ZNF280D: variants seen among roughly 807,000 people sequenced by gnomAD.
ZNF280D encodes the protein suppressor of hairy wing homolog 4.
In ZNF280D, 39 loss-of-function variants were observed where a neutral mutation model predicts 94.7. The ratio of observed to expected loss-of-function variants is 0.41; its 90% CI spans 0.32 to 0.54. The LOEUF (loss-of-function observed/expected upper bound fraction) is 0.54. Ranked by LOEUF, ZNF280D falls within the 20% of genes least tolerant of loss-of-function variation. ZNF280D has a pLI of 0.22. For synonymous variants in ZNF280D, 398 were observed against 377.6 expected, an observed-to-expected ratio of 1.05 and a Z score of -0.63; for missense variants, 1,090 against 1,149.3, an observed-to-expected ratio of 0.95 and a Z score of 0.75.
chr15:56,697,809 C>T (rs951734089), intron 6 of ZNF280D: 1 of 152,158 alleles, frequency 6.6e-6, no homozygotes, highest in East Asian at 1.9e-4. Flanking sequence ...TACAAATTAA[C>T]ATAAATAACA....
chr15:56,691,126 T>C (rs1208160239), intron 7 of ZNF280D, among the ~76,000 whole-genome samples: 1 of 152,160 alleles, frequency 6.6e-6, no homozygotes, highest in African/African-American at 2.4e-5. Flanking sequence ...ACAGATATTA[T>C]CATTACTAAC....
intron 17 of ZNF280D, chr15:56,654,712 AT>A (rs1259633603): frequency 3.3e-6 from 2 of 609,518 alleles, no homozygotes; most frequent in Non-Finnish European, 6.1e-6. Flanking sequence ...TACAGAAAGT[AT>A]TTATTTTACA....
At chr15:56,689,011 T>C (rs757679381) in intron 9 of ZNF280D, 30 bp downstream of exon 9, 46 of 1,502,640 alleles carry the variant, frequency 3.1e-5, no homozygotes, top group Non-Finnish European at 3.9e-5. Context: ...GTGCAAACTT[T>C]TTACAAATTA....
intron 1 of ZNF280D, among the ~76,000 whole-genome samples, chr15:56,726,775 T>C (rs74015900): frequency 0.012 from 1,825 of 152,322 alleles, 36 homozygotes; most frequent in African/African-American, 0.042. Context: ...CAAAGACATA[T>C]GGAAAACTGA....
intron 19 of ZNF280D, among the ~76,000 whole-genome samples, chr15:56,644,589 C>T (rs957320927): frequency 3.3e-5 from 5 of 152,152 alleles, no homozygotes; most frequent in Non-Finnish European, 7.4e-5. Flanking sequence ...TTTTCTCCCT[C>T]AACTTATCGT....
At chr15:56,683,385 G>T (rs1156875530) in intron 9 of ZNF280D, among the ~76,000 whole-genome samples, 1 of 152,166 alleles carries the variant, frequency 6.6e-6, no homozygotes, top group African/African-American at 2.4e-5. Flanking sequence ...GATAGAGCAA[G>T]CTACGGAGGG....
intron 19 of ZNF280D, chr15:56,645,397 C>G (rs1252315886): frequency 6.6e-5 from 10 of 152,176 alleles, no homozygotes; most frequent in African/African-American, 2.2e-4. Context: ...CATTAGTGAT[C>G]AAGATTGCAA....
intron 20 of ZNF280D, chr15:56,635,745 A>C (rs1316963198): frequency 6.6e-6 from 1 of 152,220 alleles, no homozygotes; most frequent in Non-Finnish European, 1.5e-5. Context: ...ACACAAAGTA[A>C]GAAACATTCT....
At chr15:56,652,350 A>C (rs1414733903) in intron 19 of ZNF280D, 1 of 154,348 alleles carries the variant, frequency 6.5e-6, no homozygotes, top group African/African-American at 2.4e-5. Context: ...TGCAAGAAAA[A>C]AATGCAAGGT....
intron 3 of ZNF280D, among the ~76,000 whole-genome samples, chr15:56,706,319 A>C (rs1176534919): frequency 6.6e-6 from 1 of 150,860 alleles, no homozygotes; most frequent in African/African-American, 2.4e-5. Context: ...TACTAAAAAT[A>C]GAAAAAAAAT....
At chr15:56,707,410 T>C (rs1464604546) in intron 1 of ZNF280D, 104 bp from the exon 2 acceptor site, 2 of 920,772 alleles carry the variant, frequency 2.2e-6, no homozygotes, top group South Asian at 1.6e-5. Flanking sequence ...TTGATATATC[T>C]GATATACACA....
chr15:56,652,925 C>T (rs754077205), intron 19 of ZNF280D: 30 of 960,054 alleles, frequency 3.1e-5, no homozygotes, highest in South Asian at 4.8e-5. Flanking sequence ...AAAACAAACA[C>T]TAAACAAATT....
intron 1 of ZNF280D, 98 bp from the exon 2 acceptor site, chr15:56,707,404 T>C (rs2057473582): frequency 2.0e-6 from 2 of 975,736 alleles, no homozygotes; most frequent in Non-Finnish European, 2.9e-6. Context: ...TTATGTTTGA[T>C]ATATCTGATA....
intron 1 of ZNF280D, among the ~76,000 whole-genome samples, chr15:56,726,196 T>C (rs1315506176): frequency 7.2e-6 from 1 of 139,740 alleles, no homozygotes; most frequent in Non-Finnish European, 1.6e-5. Flanking sequence ...TAGAGATGTA[T>C]TAAAGTACAA....
At chr15:56,669,179 A>C (rs2054506754) in intron 13 of ZNF280D, among the ~76,000 whole-genome samples, 1 of 152,038 alleles carries the variant, frequency 6.6e-6, no homozygotes, top group Admixed American at 6.6e-5. Flanking sequence ...CTGTACATGA[A>C]AGTTCTATCA....
In ZNF280D at chr15:56,631,880, A is replaced by G. The variant is rs1242985078; in HGVS notation, c.2558T>C (p.Met853Thr). ...GATTATGTTTTCTGAACTTTGGCAC[A>G]TCTTCAACTCCATTTCCTGACAAAC... ...QHVCQEMELK[M>T]CQSSENIILS... The change falls in exon 22 of 22, where the codon ATG becomes ACG. Residue 853 changes from methionine (M) to threonine (T), a missense_variant. Coordinates refer to ENST00000267807, the MANE Select transcript of ZNF280D (RefSeq NM_017661.4). 2 of 1,613,774 alleles carry G rather than the reference A, an allele frequency of 1.2e-6. No homozygotes were observed. Among genetic ancestry groups the G allele is most frequent in the East Asian group, 2.2e-5 (1 of 44,874 alleles).
intron 1 of ZNF280D, chr15:56,725,113 G>A (rs1242141286): frequency 3.9e-6 from 1 of 255,380 alleles, no homozygotes; most frequent in Non-Finnish European, 7.9e-6. Context: ...TTTGCCAAAG[G>A]TAACCCACAA....
rs562525093 is a variant in ZNF280D at position 56,656,251 on chromosome 15, G to A, written c.2058-1748C>T. On this transcript the variant is annotated intron_variant, in intron 17 of 21. Coordinates refer to ENST00000267807, the MANE Select transcript of ZNF280D (RefSeq NM_017661.4). ...AGACAGATACGTAATAAATAGTTAC[G>A]GAATGAATAGTCTATTTCAATAAGA... Among the ~76,000 whole-genome samples, 45 of 152,170 alleles carry A rather than the reference G, an allele frequency of 3.0e-4. 1 individual carries two copies. In the South Asian group the frequency reaches 6.2e-3, roughly 21 times the overall value.
chr15:56,676,487 C>A (rs2055242215), intron 13 of ZNF280D, among the ~76,000 whole-genome samples, 183 bp downstream of exon 13: 2 of 152,026 alleles, frequency 1.3e-5, no homozygotes, highest in South Asian at 4.1e-4. Context: ...CACACCATCA[C>A]CAGAAAGGAA....
Sources: allele counts gnomAD v4.1 joint callset (sites outside exome capture counted in the v4.1 genomes callset), GRCh38; gene constraint gnomAD v4.1.1; transcripts MANE v1.5; gene names NCBI Gene and HGNC (gene_info 2026-07-23, HGNC 2026-07-21).